The following FGD4 variants were observed in gnomAD, a reference collection of about 807,000 sequenced individuals.
FGD4 encodes FYVE, RhoGEF and PH domain-containing protein 4.
A neutral mutation model predicts 102.0 loss-of-function variants in FGD4; 42 were observed. That is an observed-to-expected ratio of 0.41 (90% CI 0.32 to 0.53). The LOEUF is 0.53. Among genes scored for constraint, FGD4 ranks in the 20% least tolerant of loss-of-function variants. The pLI is 0.21. For synonymous variants in FGD4, 380 were observed against 375.7 expected (o/e 1.01, Z -0.13); for missense variants, 902 against 1,078.2 (o/e 0.84, Z 2.29).
At chr12:32,594,453 T>C (rs957865676) in intron 4 of FGD4, among the ~76,000 whole-genome samples, 2 of 152,172 alleles carry the variant, frequency 1.3e-5, no homozygotes, top group East Asian at 1.9e-4. Context: ...TTCAACATTA[T>C]GGTGAGTTGT....
At chr12:32,623,552 G>A (rs1949975113) in intron 11 of FGD4, among the ~76,000 whole-genome samples, 1 of 152,054 alleles carries the variant, frequency 6.6e-6, no homozygotes, top group South Asian at 2.1e-4. Context: ...ATACCTGTAG[G>A]AATCAGGCAG....
intron 1 of FGD4, among the ~76,000 whole-genome samples, chr12:32,537,676 A>G (rs781611159): frequency 2.0e-5 from 3 of 152,030 alleles, no homozygotes; most frequent in Non-Finnish European, 4.4e-5. Flanking sequence ...GAACATATCA[A>G]CTGTGCTTCT....
Position 32,525,497 on chromosome 12 carries a change from G to T in FGD4, c.167-38640G>T, listed in dbSNP as rs115975245. 8.1e-3 allele frequency among the ~76,000 whole-genome samples: 1,241 copies of T among 152,322 alleles called. 23 individuals are homozygous for T. Among genetic ancestry groups the T allele is most frequent in the African/African-American group, 0.027 (1,117 of 41,584 alleles). ...GCTGTAGTTCATTTGCTTTTGAGAG[G>T]TGACAGCGTGCTGGCAGTCCTCAGA... On this transcript the variant is annotated intron_variant, in intron 1 of 16. Transcript: ENST00000534526.
chr12:32,585,609 A>G (rs917084029), intron 4 of FGD4, among the ~76,000 whole-genome samples: 1 of 151,818 alleles, frequency 6.6e-6, no homozygotes, highest in Admixed American at 6.6e-5. Context: ...GCTACGGCAG[A>G]GGATCTCTCG....
At chr12:32,539,513 G>T (rs1942617453) in intron 1 of FGD4, among the ~76,000 whole-genome samples, 1 of 151,670 alleles carries the variant, frequency 6.6e-6, no homozygotes, top group Non-Finnish European at 1.5e-5. Flanking sequence ...AGGTTGCAGT[G>T]AGCTGAGATC....
intron 1 of FGD4, among the ~76,000 whole-genome samples, chr12:32,406,236 C>G (rs994947562): frequency 3.9e-5 from 6 of 152,162 alleles, no homozygotes; most frequent in Non-Finnish European, 8.8e-5. Flanking sequence ...GCCACTGTGC[C>G]CAGCCTACAT....
At chr12:32,427,244 C>T (rs2136428805) in intron 1 of FGD4, among the ~76,000 whole-genome samples, 1 of 152,190 alleles carries the variant, frequency 6.6e-6, no homozygotes, top group East Asian at 1.9e-4. Flanking sequence ...AGCTGCATCG[C>T]AGAGATTCTG....
Position 32,642,450 on chromosome 12 carries a change from G to C in FGD4, c.*1917G>C, listed in dbSNP as rs1474568405. On this transcript the variant is annotated 3_prime_UTR_variant, in exon 17 of 17. Transcript: ENST00000534526. Reference sequence around the variant, plus strand: ...AAGAGGACTTTTGTAAGTGTGACTAGAACAATGGTAATGTATGGGCCAATG... The same window carrying C: ...AAGAGGACTTTTGTAAGTGTGACTACAACAATGGTAATGTATGGGCCAATG... 1 of 151,972 alleles carries C rather than the reference G, an allele frequency of 6.6e-6. No individual in the cohort carries two copies. The highest frequency in any genetic ancestry group is 1.9e-4 in the East Asian group (1 of 5,194). 9.4% of individuals were successfully genotyped at this position (151,972 alleles called of 1,614,324 possible).
At chr12:32,443,498 G>A (rs1942512821) in intron 1 of FGD4, among the ~76,000 whole-genome samples, 1 of 150,150 alleles carries the variant, frequency 6.7e-6, no homozygotes, top group Non-Finnish European at 1.5e-5. Flanking sequence ...CTACAGGCAT[G>A]CCACTACCAT....
At chr12:32,500,059 C>T (rs940136202) in intron 1 of FGD4, among the ~76,000 whole-genome samples, 28 of 152,134 alleles carry the variant, frequency 1.8e-4, no homozygotes, top group African/African-American at 6.5e-4. Flanking sequence ...ACTGTTTATT[C>T]GTAGTGGGTA....
intron 1 of FGD4, among the ~76,000 whole-genome samples, chr12:32,512,823 C>T (rs1230044869): frequency 2.0e-5 from 3 of 152,164 alleles, no homozygotes; most frequent in African/African-American, 7.2e-5. Flanking sequence ...CTTAATTACT[C>T]AGAGGCGTAA....
intron 1 of FGD4, among the ~76,000 whole-genome samples, chr12:32,478,964 T>G (rs1278776114): frequency 6.6e-6 from 1 of 152,246 alleles, no homozygotes; most frequent in African/African-American, 2.4e-5. Context: ...ATGCCCACAC[T>G]GTTGGTTTCT....
intron 4 of FGD4, among the ~76,000 whole-genome samples, chr12:32,589,695 CT>C (rs991563380): frequency 3.3e-5 from 5 of 152,154 alleles, no homozygotes; most frequent in Non-Finnish European, 7.3e-5. Flanking sequence ...AGTAACCAAA[CT>C]TTTTTTCTTT....
chr12:32,520,491 A>T (rs1262678026), intron 1 of FGD4, among the ~76,000 whole-genome samples: 1 of 144,756 alleles, frequency 6.9e-6, no homozygotes, highest in Non-Finnish European at 1.5e-5. Flanking sequence ...GCTGGAGTGC[A>T]GTGGTGCAAT....
At chr12:32,464,912 CA>C in intron 1 of FGD4, among the ~76,000 whole-genome samples, 1 of 152,292 alleles carries the variant, frequency 6.6e-6, no homozygotes, top group Admixed American at 6.5e-5. Flanking sequence ...CGAGCTTGTA[CA>C]AGTCACTTAA....
chr12:32,563,970 C>G (rs889472079), intron 1 of FGD4, among the ~76,000 whole-genome samples, 167 bp from the exon 2 acceptor site: 70 of 131,562 alleles, frequency 5.3e-4, no homozygotes, highest in African/African-American at 1.8e-3. Context: ...AGCTTCGGCT[C>G]GGCATCAGAG....
chr12:32,625,096 A>T, intron 13 of FGD4, 28 bp downstream of exon 13: 1 of 1,568,520 alleles, frequency 6.4e-7, no homozygotes, highest in Non-Finnish European at 8.8e-7. Flanking sequence ...CTTAACTTCA[A>T]CCTCTTTCAT....
chr12:32,448,305 G>A (rs943932187), intron 1 of FGD4, among the ~76,000 whole-genome samples: 3 of 152,152 alleles, frequency 2.0e-5, no homozygotes, highest in Non-Finnish European at 4.4e-5. Context: ...ACAAAGAAGG[G>A]AAGGGAGCCA....
intron 1 of FGD4, among the ~76,000 whole-genome samples, chr12:32,441,106 C>G (rs982836731): frequency 1.3e-5 from 2 of 152,162 alleles, no homozygotes; most frequent in Non-Finnish European, 2.9e-5. Context: ...GGTCTGGAAC[C>G]AGGGACCCCA....
Sources: allele counts gnomAD v4.1 joint callset (sites outside exome capture counted in the v4.1 genomes callset), GRCh38; gene constraint gnomAD v4.1.1; transcripts MANE v1.5; gene names NCBI Gene and HGNC (gene_info 2026-07-23, HGNC 2026-07-21).